The following SEC24A variants were observed in gnomAD, a reference collection of about 807,000 sequenced individuals.
SEC24A encodes the protein protein transport protein Sec24A.
In SEC24A, 93 loss-of-function variants were observed where a neutral mutation model predicts 129.4. That is an observed-to-expected ratio of 0.72 (90% CI 0.61 to 0.85). The LOEUF (loss-of-function observed/expected upper bound fraction) is 0.85, where lower values mean the gene tolerates loss of function less well. SEC24A is among the 40% of genes least tolerant of loss of function. The probability of loss-of-function intolerance (pLI) is 0.00; values close to 1 mark genes in which losing one functional copy is unlikely to be tolerated. For synonymous variants in SEC24A, 460 were observed against 467.3 expected (o/e 0.98, Z 0.20); for missense variants, 1,264 against 1,307.4 (o/e 0.97, Z 0.51).
rs760264718 is a variant in SEC24A, at chr5:134,705,322, C to A, written c.2441-5C>A. Reference sequence around the variant, plus strand: ...CTCACTGTTGTTTGTGTATTTTCCCCAAAGGCGAAAGAAGAATTCGTGTTC... The same window carrying A: ...CTCACTGTTGTTTGTGTATTTTCCCAAAAGGCGAAAGAAGAATTCGTGTTC... On this transcript the variant is annotated splice_region_variant and splice_polypyrimidine_tract_variant and intron_variant, in intron 16 of 22. Transcript: ENST00000398844. 6.2e-7 allele frequency: 1 copy of A among 1,607,596 alleles called. No individual in the cohort carries two copies. Among genetic ancestry groups the A allele is most frequent in the Non-Finnish European group, 8.5e-7 (1 of 1,174,916 alleles).
Position 134,668,881 on chromosome 5 carries a change from C to G in SEC24A, c.739+1885C>G, listed in dbSNP as rs558907157. Among the ~76,000 whole-genome samples, 30 of 150,964 alleles carry G rather than the reference C, an allele frequency of 2.0e-4. No homozygotes were observed. The South Asian group carries it at 3.4e-3, about 17-fold the overall frequency. ...CCTGGGCAACAGAGCAAGACTCTGT[C>G]TCAAAAAAAAATAAAAATAATAAAA... On this transcript the variant is annotated intron_variant, in intron 3 of 22. Coordinates refer to ENST00000398844, the MANE Select transcript of SEC24A (RefSeq NM_021982.3).
chr5:134,704,270 A>G (rs1277990480), intron 16 of SEC24A, among the ~76,000 whole-genome samples: 2 of 151,958 alleles, frequency 1.3e-5, no homozygotes, highest in African/African-American at 2.4e-5. Context: ...GAGTTTTGCC[A>G]TGCTGGCCAG....
intron 7 of SEC24A, among the ~76,000 whole-genome samples, chr5:134,677,485 T>A (rs188088730): frequency 8.0e-5 from 12 of 150,552 alleles, no homozygotes; most frequent in Non-Finnish European, 1.8e-4. Flanking sequence ...TTTTTTTTTT[T>A]AAGAAGCAGA....
chr5:134,682,184 A>C (rs1014963382), intron 8 of SEC24A, among the ~76,000 whole-genome samples, 189 bp from the exon 9 acceptor site: 1 of 152,050 alleles, frequency 6.6e-6, no homozygotes, highest in African/African-American at 2.4e-5. Flanking sequence ...TGGAGGTTGC[A>C]GTGAGCTGAC....
chr5:134,721,366 C>T (rs1017733729), intron 21 of SEC24A, among the ~76,000 whole-genome samples: 1 of 151,556 alleles, frequency 6.6e-6, no homozygotes, highest in Admixed American at 6.6e-5. Flanking sequence ...AGATCGAGAC[C>T]ATCCTGGCCA....
In SEC24A at chr5:134,727,303, C is replaced by T. The variant is rs1386243166; in HGVS notation, c.*2209C>T. The T allele has an allele frequency of 6.6e-6, 1 of 152,462 alleles. No homozygotes were observed. The highest frequency in any genetic ancestry group is 1.5e-5 in the Non-Finnish European group (1 of 68,000). 9.4% of individuals were successfully genotyped at this position (152,462 alleles called of 1,614,324 possible). On this transcript the variant is annotated 3_prime_UTR_variant, in exon 23 of 23. Coordinates refer to ENST00000398844, the MANE Select transcript of SEC24A (RefSeq NM_021982.3). The stretch of plus-strand genomic sequence containing the variant: ...TGAATTTTCTACAGATCTACAACTA[C>T]TAATGTAACAGACAAGGGCAATCTT...
chr5:134,669,602 A>T (rs1750786581), intron 3 of SEC24A, among the ~76,000 whole-genome samples: 1 of 151,830 alleles, frequency 6.6e-6, no homozygotes, highest in Admixed American at 6.6e-5. Flanking sequence ...CAGCCTCCCG[A>T]GTAGCTGGGA....
At chr5:134,678,551 T>G (rs568962023) in intron 7 of SEC24A, among the ~76,000 whole-genome samples, 182 of 151,756 alleles carry the variant, frequency 1.2e-3, no homozygotes, top group Non-Finnish European at 2.1e-3. Flanking sequence ...TGCTTTGGCC[T>G]TCCAAAGCAC....
intron 9 of SEC24A, among the ~76,000 whole-genome samples, chr5:134,683,430 G>A (rs2150089013): frequency 6.6e-6 from 1 of 151,826 alleles, no homozygotes; most frequent in South Asian, 2.1e-4. Context: ...AGATCCTCTT[G>A]CAAATATTGT....
chr5:134,685,182 C>A (rs1413713358), intron 9 of SEC24A, among the ~76,000 whole-genome samples: 1 of 152,004 alleles, frequency 6.6e-6, no homozygotes, highest in Non-Finnish European at 1.5e-5. Context: ...CCAGCCTGGG[C>A]AATGTAGCGA....
At chr5:134,663,543 C>A (rs553293707) in intron 2 of SEC24A, among the ~76,000 whole-genome samples, 2 of 152,146 alleles carry the variant, frequency 1.3e-5, no homozygotes, top group East Asian at 1.9e-4. Context: ...AAGGGCCAGG[C>A]GTGGTGGCTC....
In SEC24A at chr5:134,697,207, T is replaced by C; in HGVS notation, c.2068T>C (p.Phe690Leu). 1 of 1,606,726 alleles carries C rather than the reference T, an allele frequency of 6.2e-7. No individual in the cohort carries two copies. Among genetic ancestry groups the C allele is most frequent in the Non-Finnish European group, 8.5e-7 (1 of 1,174,670 alleles). ...TGGTCAGCAAGTTGCTGTTGACTTA[T>C]TCCTTCTCAGTGGACAGTATTCTGA... ...CSGQQVAVDL[F>L]LLSGQYSDLA... The change falls in exon 14 of 23, where the codon TTC becomes CTC. Residue 690 changes from phenylalanine to leucine, a missense_variant. Coordinates refer to ENST00000398844, the MANE Select transcript of SEC24A (RefSeq NM_021982.3).
At chr5:134,663,173 G>T (rs375686612) in intron 2 of SEC24A, among the ~76,000 whole-genome samples, 352 of 152,138 alleles carry the variant, frequency 2.3e-3, no homozygotes, top group African/African-American at 8.3e-3. Flanking sequence ...AAACTGCTGG[G>T]CTCAAGCTAT....
chr5:134,719,172 A>G (rs1752562111), intron 20 of SEC24A, among the ~76,000 whole-genome samples: 1 of 152,040 alleles, frequency 6.6e-6, no homozygotes, highest in Non-Finnish European at 1.5e-5. Context: ...GCTTGAGGTC[A>G]GGAATTCGAG....
rs1491073899 is a variant in SEC24A at position 134,676,145 on chromosome 5, T to TC, written c.1254+20_1254+21insC. On this transcript the variant is annotated intron_variant, in intron 7 of 22. Transcript: ENST00000398844. ...TTAGTGGTATGTTTCTTTTCTTTTC[T>TC]TTTTTTTTTTTTGAGACGGAGTCTC... 1 of 542,912 alleles carries TC rather than the reference T, an allele frequency of 1.8e-6. No individual in the cohort carries two copies. Among genetic ancestry groups the TC allele is most frequent in the South Asian group, 4.0e-5 (1 of 25,106 alleles). The allele number at this position is 542,912 out of a possible 1,614,324, so 33.6% of individuals were successfully genotyped here.
At chr5:134,712,336 C>A (rs1752352395) in intron 18 of SEC24A, among the ~76,000 whole-genome samples, 1 of 151,908 alleles carries the variant, frequency 6.6e-6, no homozygotes, top group South Asian at 2.1e-4. Flanking sequence ...CTGCAACCTC[C>A]ACCTCCCGGG....
intron 11 of SEC24A, among the ~76,000 whole-genome samples, chr5:134,692,039 T>C (rs1464461891): frequency 2.6e-5 from 4 of 150,946 alleles, no homozygotes; most frequent in African/African-American, 9.7e-5. Context: ...CAGATCAATA[T>C]TTTATTTTTT....
At chr5:134,657,658 G>A (rs1411968786) in intron 1 of SEC24A, among the ~76,000 whole-genome samples, 1 of 152,074 alleles carries the variant, frequency 6.6e-6, no homozygotes, top group Admixed American at 6.6e-5. Flanking sequence ...CCCACTGCAG[G>A]CTTGATCTCT....
chr5:134,717,676 GA>G (rs1752516664), intron 19 of SEC24A, among the ~76,000 whole-genome samples: 1 of 152,116 alleles, frequency 6.6e-6, no homozygotes, highest in South Asian at 2.1e-4. Flanking sequence ...AGCACTTTGG[GA>G]GGCCGAGGCG....
Sources: gnomAD v4.1 joint callset for allele counts (sites outside exome capture counted in the v4.1 genomes callset) on GRCh38, gnomAD v4.1.1 for gene constraint, MANE v1.5 for transcripts, NCBI Gene and HGNC (gene_info 2026-07-23, HGNC 2026-07-21) for gene names.